Variants in TXNDC12 observed in about 807,000 individuals in gnomAD.
TXNDC12 encodes the protein thioredoxin domain containing 12.
A neutral mutation model predicts 24.2 loss-of-function variants in TXNDC12; 22 were observed. That is an observed-to-expected ratio of 0.91 (90% CI 0.65 to 1.30). The LOEUF (loss-of-function observed/expected upper bound fraction) is 1.30, where lower values mean the gene tolerates loss of function less well. Among genes scored for constraint, TXNDC12 ranks in the 50% most tolerant of loss-of-function variants. The probability of loss-of-function intolerance (pLI) is 0.00; values close to 1 mark genes in which losing one functional copy is unlikely to be tolerated. For missense variants in TXNDC12, 184 were observed against 205.8 expected, an observed-to-expected ratio of 0.89 and a Z score of 0.65; for synonymous variants, 58 against 73.4, an observed-to-expected ratio of 0.79 and a Z score of 1.07.
intron 3 of TXNDC12, 99 bp downstream of exon 3, chr1:52,028,479 G>T: frequency 1.1e-6 from 1 of 897,702 alleles, no homozygotes; most frequent in Non-Finnish European, 1.8e-6. Context: ...TCCTTAAACA[G>T]TCAGTAGTGC....
intron 2 of TXNDC12, among the ~76,000 whole-genome samples, chr1:52,031,160 C>CT (rs10712931): frequency 0.12 from 17,194 of 138,666 alleles, 1,275 homozygotes; most frequent in Non-Finnish European, 0.16. Context: ...TTCATCCTAT[C>CT]TTTTTTTTTT....
At chr1:52,036,691 A>G (rs1685887866) in intron 2 of TXNDC12, among the ~76,000 whole-genome samples, 1 of 152,222 alleles carries the variant, frequency 6.6e-6, no homozygotes, top group South Asian at 2.1e-4. Context: ...AAATAAGTCA[A>G]AAGCAGCTCT....
Position 52,024,695 on chromosome 1 carries a change from G to A in TXNDC12, c.286-116C>T, listed in dbSNP as rs1254994349. ...CCCAAGTCCTTGCAGTGGCCTATAA[G>A]GCCCTACATGATCTATCACCTAGGC... On this transcript the variant is annotated intron_variant, in intron 4 of 6. Coordinates refer to ENST00000371626, the MANE Select transcript of TXNDC12 (RefSeq NM_015913.4). 13 of 726,570 alleles carry A rather than the reference G, an allele frequency of 1.8e-5. No individual in the cohort carries two copies. In the African/African-American group the frequency reaches 2.1e-4, roughly 12 times the overall value. The allele number at this position is 726,570 out of a possible 1,614,324, so 45.0% of individuals were successfully genotyped here. A position where few individuals can be genotyped will look rare whatever the true frequency, so the allele number is the denominator to read the frequency against.
intron 6 of TXNDC12, 60 bp downstream of exon 6, chr1:52,023,431 C>T: frequency 7.5e-7 from 1 of 1,341,030 alleles, no homozygotes; most frequent in Non-Finnish European, 1.1e-6. Context: ...ACAGACCTTG[C>T]ATGTGGTTCA....
intron 2 of TXNDC12, chr1:52,032,101 A>G: frequency 1.1e-6 from 1 of 938,770 alleles, no homozygotes; most frequent in African/African-American, 1.8e-5. Context: ...AAGAGATTCC[A>G]GTAGACTATT....
chr1:52,034,579 A>G (rs561918240), intron 2 of TXNDC12, among the ~76,000 whole-genome samples: 2 of 152,218 alleles, frequency 1.3e-5, no homozygotes, highest in African/African-American at 4.8e-5. Context: ...CTAAACTTCA[A>G]ATTTAACTGG....
At chr1:52,038,501 G>A (rs1384062967) in intron 2 of TXNDC12, among the ~76,000 whole-genome samples, 3 of 151,862 alleles carry the variant, frequency 2.0e-5, no homozygotes, top group African/African-American at 4.8e-5. Flanking sequence ...TTGTAGAGAC[G>A]GGGTTTCACC....
chr1:52,033,302 C>T (rs1572002639), intron 2 of TXNDC12: 1 of 1,613,934 alleles, frequency 6.2e-7, no homozygotes, highest in Non-Finnish European at 8.5e-7. Context: ...GTATGCAGTT[C>T]CCTGAGGACG....
chr1:52,030,154 G>T (rs1434113958), intron 2 of TXNDC12, among the ~76,000 whole-genome samples: 1 of 152,024 alleles, frequency 6.6e-6, no homozygotes, highest in Non-Finnish European at 1.5e-5. Context: ...AGGATCACTT[G>T]AGCTCACAAG....
intron 4 of TXNDC12, among the ~76,000 whole-genome samples, chr1:52,024,824 C>G (rs1010564259): frequency 6.6e-6 from 1 of 152,218 alleles, no homozygotes; most frequent in African/African-American, 2.4e-5. Context: ...CTAACACAGG[C>G]TTTTGGACTT....
At chr1:52,027,194 G>A (rs1415581062) in intron 4 of TXNDC12, 81 bp downstream of exon 4, 1 of 1,039,502 alleles carries the variant, frequency 9.6e-7, no homozygotes, top group Non-Finnish European at 1.5e-6. Flanking sequence ...CACTAATGAA[G>A]CTGTAATGAA....
intron 2 of TXNDC12, chr1:52,033,744 A>G (rs1450719567): frequency 1.9e-6 from 3 of 1,603,036 alleles, no homozygotes; most frequent in Non-Finnish European, 1.7e-6. Context: ...GCAGCCCGCA[A>G]AACACCACGA....
chr1:52,029,579 G>A (rs1339630172), intron 2 of TXNDC12, among the ~76,000 whole-genome samples: 1 of 152,148 alleles, frequency 6.6e-6, no homozygotes, highest in Non-Finnish European at 1.5e-5. Flanking sequence ...TAGCTACCAT[G>A]CACTTAACAT....
chr1:52,052,474 T>G (rs1360676405), intron 1 of TXNDC12: 1 of 169,542 alleles, frequency 5.9e-6, no homozygotes, highest in Non-Finnish European at 1.5e-5. Flanking sequence ...ATTTCCACCT[T>G]GTTCTCTTAT....
chr1:52,055,655 C>CTGTT (rs1446834964), upstream of TXNDC12: 1 of 154,036 alleles, frequency 6.5e-6, no homozygotes, highest in Non-Finnish European at 1.4e-5. Flanking sequence ...CCTGGCAAGC[C>CTGTT]TGTTCTGCGG....
chr1:52,032,744 G>A, intron 2 of TXNDC12: 1 of 1,613,870 alleles, frequency 6.2e-7, no homozygotes, highest in Non-Finnish European at 8.5e-7. Context: ...TTGGCCAGTT[G>A]CGGCAAGTTC....
At chr1:52,041,476 G>T in intron 2 of TXNDC12, 61 bp downstream of exon 2, 1 of 1,237,244 alleles carries the variant, frequency 8.1e-7, no homozygotes. Flanking sequence ...TGAAATTAAC[G>T]TTAAGTTGAT....
chr1:52,027,119 T>C (rs1685682313), intron 4 of TXNDC12, among the ~76,000 whole-genome samples, 156 bp downstream of exon 4: 1 of 152,136 alleles, frequency 6.6e-6, no homozygotes, highest in Admixed American at 6.6e-5. Context: ...CTTTCTAACA[T>C]ATCTGATGCA....
upstream of TXNDC12, chr1:52,055,226 T>G: frequency 1.5e-6 from 1 of 655,848 alleles, no homozygotes; most frequent in Non-Finnish European, 2.7e-6. Flanking sequence ...TTTCAAACTC[T>G]GAAGGAAGTG....
Sources: gnomAD v4.1 joint callset for allele counts (sites outside exome capture counted in the v4.1 genomes callset) on GRCh38, gnomAD v4.1.1 for gene constraint, MANE v1.5 for transcripts, NCBI Gene and HGNC (gene_info 2026-07-23, HGNC 2026-07-21) for gene names.